LRCH1: variants seen among roughly 807,000 people sequenced by gnomAD.
LRCH1 encodes the protein leucine rich repeats and calponin homology domain containing 1, also known as leucine-rich repeat and calponin homology domain-containing protein 1.
A neutral mutation model predicts 94.9 loss-of-function variants in LRCH1; 23 were observed. That is an observed-to-expected ratio of 0.24 (90% CI 0.17 to 0.34). The LOEUF (loss-of-function observed/expected upper bound fraction) is 0.34. Ranked by LOEUF, LRCH1 falls within the 10% of genes least tolerant of loss-of-function variation. The pLI, the probability that LRCH1 is intolerant of heterozygous loss-of-function variation, is 1.00. For missense variants in LRCH1, 790 were observed against 945.9 expected (o/e 0.84, Z 2.16); for synonymous variants, 364 against 354.9 (o/e 1.03, Z -0.29).
chr13:46,674,873 A>ACAGC (rs1484269915), intron 3 of LRCH1, among the ~76,000 whole-genome samples: 1 of 152,196 alleles, frequency 6.6e-6, no homozygotes, highest in Non-Finnish European at 1.5e-5. Context: ...TCACCACAAT[A>ACAGC]CAGCACTGTC....
chr13:46,689,006 C>T, intron 6 of LRCH1, 127 bp from the exon 7 acceptor site: 1 of 702,754 alleles, frequency 1.4e-6, no homozygotes, highest in South Asian at 1.9e-5. Flanking sequence ...TGATTTGTTG[C>T]CTTATGGTAA....
intron 2 of LRCH1, among the ~76,000 whole-genome samples, chr13:46,654,487 G>C (rs1402173979): frequency 2.6e-5 from 4 of 152,212 alleles, no homozygotes; most frequent in Non-Finnish European, 4.4e-5. Flanking sequence ...AGGACACAGA[G>C]ACTTAGGATG....
At chr13:46,601,328 T>C (rs894404610) in intron 1 of LRCH1, among the ~76,000 whole-genome samples, 1 of 152,250 alleles carries the variant, frequency 6.6e-6, no homozygotes, top group African/African-American at 2.4e-5. Flanking sequence ...CTGTGTGGAA[T>C]GACCTGAGGG....
At chr13:46,617,269 G>GT (rs1311897650) in intron 1 of LRCH1, among the ~76,000 whole-genome samples, 2 of 149,136 alleles carry the variant, frequency 1.3e-5, no homozygotes, top group African/African-American at 4.8e-5. Context: ...GCAGAGGAGT[G>GT]TGAGTTAGAC....
intron 17 of LRCH1, among the ~76,000 whole-genome samples, 175 bp downstream of exon 17, chr13:46,723,505 TA>T (rs1214941056): frequency 1.3e-5 from 2 of 152,170 alleles, no homozygotes; most frequent in Non-Finnish European, 2.9e-5. Flanking sequence ...CTTTGTATAC[TA>T]AAAAAATGTT....
rs796930386 is a variant in LRCH1 at position 46,705,134 on chromosome 13, A to G, written c.1467A>G (p.Leu489=). 6.2e-7 allele frequency: 1 copy of G among 1,608,872 alleles called. No individual in the cohort carries two copies. The highest frequency in any genetic ancestry group is 8.5e-7 in the Non-Finnish European group (1 of 1,177,418). ...ATCCTATGGGATCAGCAGAAGCCTT[A>G]GAATTACAAGATTCTGCACTGAAGT... ...NLYPMGSAEA[L]ELQDSALNGQ... is the part of the protein sequence containing the mutation. The change falls in exon 12 of 20, where the codon TTA becomes TTG. Residue 489 remains leucine, a synonymous_variant. Coordinates refer to ENST00000389797, the MANE Select transcript of LRCH1 (RefSeq NM_001164211.2).
At chr13:46,666,305 G>A (rs1361392341) in intron 2 of LRCH1, among the ~76,000 whole-genome samples, 1 of 152,160 alleles carries the variant, frequency 6.6e-6, no homozygotes, top group East Asian at 1.9e-4. Flanking sequence ...TTTTAAGTAA[G>A]TACCCACTCT....
At chr13:46,715,019 A>G (rs1485279110) in intron 15 of LRCH1, among the ~76,000 whole-genome samples, 1 of 152,218 alleles carries the variant, frequency 6.6e-6, no homozygotes, top group Non-Finnish European at 1.5e-5. Flanking sequence ...AGGTGTCTTT[A>G]AAAAGAAATT....
intron 1 of LRCH1, among the ~76,000 whole-genome samples, chr13:46,626,476 A>T (rs996291290): frequency 1.3e-4 from 20 of 152,248 alleles, no homozygotes; most frequent in African/African-American, 1.7e-4. Context: ...TTAAGAAGGT[A>T]CTTTGTAATT....
chr13:46,614,620 G>A (rs1296542267), intron 1 of LRCH1, among the ~76,000 whole-genome samples: 1 of 152,000 alleles, frequency 6.6e-6, no homozygotes, highest in Non-Finnish European at 1.5e-5. Flanking sequence ...GACTTTTATC[G>A]TGAATCAGGT....
intron 16 of LRCH1, among the ~76,000 whole-genome samples, chr13:46,720,307 A>G (rs1461694687): frequency 6.6e-6 from 1 of 151,924 alleles, no homozygotes; most frequent in Non-Finnish European, 1.5e-5. Context: ...GAATCGCGTG[A>G]GCCCAGGTGG....
chr13:46,697,615 A>G (rs958126284), intron 9 of LRCH1, among the ~76,000 whole-genome samples: 2 of 152,198 alleles, frequency 1.3e-5, no homozygotes, highest in African/African-American at 2.4e-5. Flanking sequence ...CTTATTTACA[A>G]TAAGAGAGCT....
At chr13:46,684,246 C>CTT (rs10641089) in intron 4 of LRCH1, among the ~76,000 whole-genome samples, 82,712 of 149,210 alleles carry the variant, frequency 0.55, 23,117 homozygotes, top group East Asian at 0.64. Flanking sequence ...CTCTACTCCA[C>CTT]TTTTTTTTTT....
At position 46,740,112 on chromosome 13, in the gene LRCH1, C is replaced by T. The variant is rs73488542; in HGVS notation, c.2086-1530C>T. 1.4e-3 allele frequency among the ~76,000 whole-genome samples: 209 copies of T among 152,344 alleles called. 1 individual carries two copies. The highest frequency in any genetic ancestry group is 3.6e-3 in the African/African-American group (151 of 41,574). ...TTGCTCGGATTTCCCTGGTCAAGCA[C>T]AACATTGCAATAGAAAATTCTTATT... On this transcript the variant is annotated intron_variant, in intron 19 of 19. Transcript: ENST00000389797.
intron 1 of LRCH1, among the ~76,000 whole-genome samples, chr13:46,606,610 C>T (rs907725066): frequency 6.6e-6 from 1 of 152,106 alleles, no homozygotes; most frequent in African/African-American, 2.4e-5. Context: ...CTCACTCTGT[C>T]GCCCATGCTG....
chr13:46,653,548 G>C (rs2051333434), intron 2 of LRCH1, among the ~76,000 whole-genome samples: 1 of 152,132 alleles, frequency 6.6e-6, no homozygotes, highest in African/African-American at 2.4e-5. Flanking sequence ...TAGTAGGCTG[G>C]GCTTGGTGGC....
In LRCH1 at chr13:46,728,709, T is replaced by A. The variant is rs7336161; in HGVS notation, c.1870-138T>A. On this transcript the variant is annotated intron_variant, in intron 17 of 19. Coordinates refer to ENST00000389797, the MANE Select transcript of LRCH1 (RefSeq NM_001164211.2). ...ACTGTTTGGAAAGAGTTAAATAATG[T>A]CAGTGTTTTCTAGGCATTGTTATCC... 1.9e-5 allele frequency: 15 copies of A among 784,906 alleles called. No individual in the cohort carries two copies. In the South Asian group the frequency reaches 3.4e-4, roughly 18 times the overall value. The allele number at this position is 784,906 out of a possible 1,614,324, so 48.6% of individuals were successfully genotyped here. A position where few individuals can be genotyped will look rare whatever the true frequency, so the allele number is the denominator to read the frequency against.
At position 46,697,362 on chromosome 13, in the gene LRCH1, AC is replaced by A. The variant is rs370188286; in HGVS notation, c.1246-1972del. Among the ~76,000 whole-genome samples, 51 of 152,286 alleles carry A rather than the reference AC, an allele frequency of 3.3e-4. 1 individual carries two copies. The highest frequency in any genetic ancestry group is 1.2e-3 in the African/African-American group (48 of 41,576). On this transcript the variant is annotated intron_variant, in intron 9 of 19. Transcript: ENST00000389797. ...ATATATTGTTTTGATGAACATTACA[AC>A]CATACCTTATTTAACATATATTGAT...
At chr13:46,710,950 C>T (rs866932380) in intron 13 of LRCH1, among the ~76,000 whole-genome samples, 1 of 152,082 alleles carries the variant, frequency 6.6e-6, no homozygotes. Flanking sequence ...TTGCTCTCAG[C>T]CACTGTCCCT....
Sources: allele counts gnomAD v4.1 joint callset (sites outside exome capture counted in the v4.1 genomes callset), GRCh38; gene constraint gnomAD v4.1.1; transcripts MANE v1.5; gene names NCBI Gene and HGNC (gene_info 2026-07-23, HGNC 2026-07-21).